PPFIA3: variants seen among roughly 807,000 people sequenced by gnomAD.
PPFIA3 encodes the protein liprin-alpha-3.
In PPFIA3, 26 loss-of-function variants were observed where a neutral mutation model predicts 145.8. The ratio of observed to expected loss-of-function variants is 0.18; its 90% CI spans 0.13 to 0.25. PPFIA3 has a LOEUF of 0.25. Among genes scored for constraint, PPFIA3 ranks in the 10% least tolerant of loss-of-function variants. The pLI is 1.00. For synonymous variants in PPFIA3, 645 were observed against 661.4 expected (o/e 0.98, Z 0.38); for missense variants, 1,008 against 1,587.8 (o/e 0.63, Z 6.21).
chr19:49,127,937 G>T lies in PPFIA3; in HGVS notation c.64G>T (p.Asp22Tyr). The T allele has an allele frequency of 6.3e-7, 1 of 1,594,122 alleles. No individual in the cohort carries two copies. The highest frequency in any genetic ancestry group is 8.5e-7 in the Non-Finnish European group (1 of 1,177,834). ...CCGGCGGGGCTCGGCGCTGGGCCCG[G>T]ACGAGGCGGGCGGGGAGCTGGAGCG... Reference protein sequence around the residue: ...DGRRGSALGPDEAGGELERLM... With the variant: ...DGRRGSALGPYEAGGELERLM... The change falls in exon 2 of 30, where the codon GAC (aspartate) becomes TAC (tyrosine). Residue 22 changes from aspartate (D) to tyrosine (Y), a missense_variant. Asp to Tyr is a radical substitution (Grantham distance 160). Coordinates refer to ENST00000334186, the MANE Select transcript of PPFIA3 (RefSeq NM_003660.4).
At chr19:49,124,923 C>CGGCTA (rs758439540) in intron 1 of PPFIA3, among the ~76,000 whole-genome samples, 91 of 152,210 alleles carry the variant, frequency 6.0e-4, no homozygotes, top group Non-Finnish European at 1.1e-3. Context: ...AATAATTAGC[C>CGGCTA]GGGCGTGGCG....
intron 23 of PPFIA3, among the ~76,000 whole-genome samples, chr19:49,146,848 T>G (rs2041286701): frequency 6.6e-6 from 1 of 152,094 alleles, no homozygotes; most frequent in South Asian, 2.1e-4. Context: ...GAGAATCGCT[T>G]GAACCCAGGA....
At chr19:49,129,314 A>T in intron 4 of PPFIA3, 66 bp from the exon 5 acceptor site, 3 of 1,506,458 alleles carry the variant, frequency 2.0e-6, no homozygotes, top group Non-Finnish European at 2.7e-6. Context: ...GGTGTTCTGG[A>T]CCAGGGGCAA....
At position 49,120,353 on chromosome 19, in the gene PPFIA3, C is replaced by T. The variant is rs2040922220; in HGVS notation, c.-16+631C>T. The stretch of plus-strand genomic sequence containing the variant: ...GGGCGCCCCAGCCTCTGGGTTCTGC[C>T]GGCCAGGCTCGTGGCCCCGTCCTCG... On this transcript the variant is annotated intron_variant, in intron 1 of 29. Coordinates refer to ENST00000334186, the MANE Select transcript of PPFIA3 (RefSeq NM_003660.4). This position sits in a 1 kb window ranked among gnomAD's most constrained non-coding sequence, Gnocchi z 4.6. Among the ~76,000 whole-genome samples the T allele has an allele frequency of 6.6e-6, 1 of 152,160 alleles. No homozygotes were observed. Among genetic ancestry groups the T allele is most frequent in the Admixed American group, 6.5e-5 (1 of 15,282 alleles).
intron 16 of PPFIA3, 67 bp downstream of exon 16, chr19:49,138,494 G>C: frequency 3.7e-6 from 5 of 1,339,306 alleles, no homozygotes; most frequent in Non-Finnish European, 5.0e-6. Context: ...GGGCTCCCCA[G>C]TGTACAGCAA....
rs1384035333 is a variant in PPFIA3 at position 49,120,098 on chromosome 19, C to A, written c.-16+376C>A. On this transcript the variant is annotated intron_variant, in intron 1 of 29. Transcript: ENST00000334186. The surrounding 1 kb of genome is among the most constrained non-coding windows in gnomAD (Gnocchi z 4.6). ...CGCATCGTCCCCGCTTCGCGCACTC[C>A]GTCTCCCGTCGCCAGCCTCGGGCTT... 6.6e-6 allele frequency among the ~76,000 whole-genome samples: 1 copy of A among 152,108 alleles called. No individual in the cohort carries two copies. Among genetic ancestry groups the A allele is most frequent in the Non-Finnish European group, 1.5e-5 (1 of 67,992 alleles).
rs1371239823 is a variant in PPFIA3, at chr19:49,127,949, G to A, written c.76G>A (p.Gly26Arg). 5.0e-6 allele frequency: 8 copies of A among 1,594,334 alleles called. No homozygotes were observed. The highest frequency in any genetic ancestry group is 6.8e-6 in the Non-Finnish European group (8 of 1,178,056). ...GSALGPDEAG[G>R]ELERLMVTML... ...GGCGCTGGGCCCGGACGAGGCGGGCGGGGAGCTGGAGCGCCTCATGGTCAC... is the reference window on the plus strand; with the variant it reads ...GGCGCTGGGCCCGGACGAGGCGGGCAGGGAGCTGGAGCGCCTCATGGTCAC... Residue 26 changes from glycine (G) to arginine (R), a missense_variant, in exon 2 of 30, where the codon GGG becomes AGG. By Grantham distance (125) the Gly-to-Arg change is moderately radical. Transcript: ENST00000334186.
intron 12 of PPFIA3, 24 bp downstream of exon 12, chr19:49,134,725 A>C: frequency 6.2e-7 from 1 of 1,613,166 alleles, no homozygotes; most frequent in Non-Finnish European, 8.5e-7. Context: ...AGGGGACAGG[A>C]GGAGGATGTT....
At chr19:49,136,110 G>A (rs1416585375) in intron 14 of PPFIA3, among the ~76,000 whole-genome samples, 187 bp downstream of exon 14, 1 of 152,208 alleles carries the variant, frequency 6.6e-6, no homozygotes, top group Admixed American at 6.5e-5. Context: ...TCCTGTGGAT[G>A]TCCTGCCACC....
intron 16 of PPFIA3, 112 bp from the exon 17 acceptor site, chr19:49,139,556 G>C: frequency 1.9e-6 from 2 of 1,027,388 alleles, no homozygotes; most frequent in South Asian, 2.2e-5. Context: ...TTCGTATACT[G>C]TGTTCTAAAC....
At position 49,133,668 on chromosome 19, in the gene PPFIA3, T is replaced by G. The variant is rs1400597900; in HGVS notation, c.1162-128T>G. 4 of 1,064,594 alleles carry G rather than the reference T, an allele frequency of 3.8e-6. No homozygotes were observed. The highest frequency in any genetic ancestry group is 5.7e-6 in the Non-Finnish European group (4 of 704,702). 65.9% of individuals were successfully genotyped at this position (1,064,594 alleles called of 1,614,324 possible). On this transcript the variant is annotated intron_variant, in intron 9 of 29. Coordinates refer to ENST00000334186, the MANE Select transcript of PPFIA3 (RefSeq NM_003660.4). This position sits in a 1 kb window ranked among gnomAD's most constrained non-coding sequence, Gnocchi z 7.2. ...ACTAGGCGCAGGGGCGGGGCCTGAC[T>G]CAAAGGTGCAGGGGAGGAGCCTGGC...
chr19:49,142,739 CA>C, intron 20 of PPFIA3, 64 bp from the exon 21 acceptor site: 1 of 1,458,620 alleles, frequency 6.9e-7, no homozygotes, highest in Non-Finnish European at 9.5e-7. Context: ...CCTGTTCCCC[CA>C]TCTCTCCGAT....
chr19:49,133,230 C>T lies in PPFIA3; in HGVS notation c.1027-7C>T. On this transcript the variant is annotated splice_region_variant and splice_polypyrimidine_tract_variant and intron_variant, in intron 8 of 29. Transcript: ENST00000334186. The surrounding 1 kb of genome is among the most constrained non-coding windows in gnomAD (Gnocchi z 7.2). The stretch of plus-strand genomic sequence containing the variant: ...CCGTCCCCTCCCCCTGCCTCTCCCT[C>T]CCCCAGAGTGAAGAGAAGAGCCGTC... 6.2e-7 allele frequency: 1 copy of T among 1,600,956 alleles called. No individual in the cohort carries two copies.
In PPFIA3 at chr19:49,128,986, G is replaced by C; in HGVS notation, c.481G>C (p.Glu161Gln). The C allele has an allele frequency of 6.2e-7, 1 of 1,609,390 alleles. No individual in the cohort carries two copies. Among genetic ancestry groups the C allele is most frequent in the East Asian group, 2.2e-5 (1 of 44,842 alleles). Reference protein sequence around the residue: ...EVLKALKSLFEHHKALDEKVR... With the variant: ...EVLKALKSLFQHHKALDEKVR... ...GCTCAAAGCTCTAAAGTCTCTCTTC[G>C]AGCACCACAAGGCCCTGGATGAGAA... The change falls in exon 4 of 30, where the codon GAG becomes CAG. Residue 161 changes from glutamate (E) to glutamine (Q), a missense_variant. Transcript: ENST00000334186. The surrounding 1 kb of genome is among the most constrained non-coding windows in gnomAD (Gnocchi z 4.1).
At chr19:49,146,546 A>G in intron 23 of PPFIA3, 1 of 327,998 alleles carries the variant, frequency 3.0e-6, no homozygotes, top group South Asian at 5.2e-5. Flanking sequence ...TCAGTGTACC[A>G]GGGCCAAGGA....
Position 49,151,014 on chromosome 19 carries a change from A to C in PPFIA3, c.*792A>C. 1.6e-5 allele frequency: 5 copies of C among 315,036 alleles called. No individual in the cohort carries two copies. The highest frequency in any genetic ancestry group is 2.4e-5 in the African/African-American group (1 of 41,940). The allele number at this position is 315,036 out of a possible 1,614,324, so 19.5% of individuals were successfully genotyped here. A position where few individuals can be genotyped will look rare whatever the true frequency, so the allele number is the denominator to read the frequency against. ...CACTCAGTGATCACGGGTAAAGAGA[A>C]CTGTTTCAAAAAGCTTCCTTGTTGA... On this transcript the variant is annotated 3_prime_UTR_variant, in exon 30 of 30. Coordinates refer to ENST00000334186, the MANE Select transcript of PPFIA3 (RefSeq NM_003660.4).
At chr19:49,132,433 G>GAGA (rs1321297588) in intron 7 of PPFIA3, among the ~76,000 whole-genome samples, 1 of 140,420 alleles carries the variant, frequency 7.1e-6, no homozygotes, top group Admixed American at 7.2e-5. Flanking sequence ...AAGAGAGAGA[G>GAGA]AGAACCTTCA....
Position 49,144,042 on chromosome 19 carries a change from G to T in PPFIA3, c.2745+1038G>T, listed in dbSNP as rs1373216015. Among the ~76,000 whole-genome samples the T allele has an allele frequency of 2.0e-5, 3 of 149,874 alleles. No homozygotes were observed. In the South Asian group the frequency reaches 6.4e-4, roughly 32 times the overall value. ...TTTTTCGAGATGGGAGTCTTGCTTT[G>T]TCGCCAAGGCTGGAGTGCAATGGTG... On this transcript the variant is annotated intron_variant, in intron 21 of 29. Transcript: ENST00000334186.
At position 49,128,176 on chromosome 19, in the gene PPFIA3, G is replaced by A. The variant is rs900963525; in HGVS notation, c.240+63G>A. ...GCCTCGGGGGGAAGAAGGCGGTCCG[G>A]AAGGGGCCGGGCTTGGCGCCTGGAA... On this transcript the variant is annotated intron_variant, in intron 2 of 29. Transcript: ENST00000334186. The surrounding 1 kb of genome is among the most constrained non-coding windows in gnomAD (Gnocchi z 4.1). 211 of 1,472,576 alleles carry A rather than the reference G, an allele frequency of 1.4e-4. No homozygotes were observed. Among genetic ancestry groups the A allele is most frequent in the Non-Finnish European group, 1.8e-4 (201 of 1,112,556 alleles). The allele number at this position is 1,472,576 out of a possible 1,614,324, so 91.2% of individuals were successfully genotyped here.
Sources: allele counts gnomAD v4.1 joint callset (sites outside exome capture counted in the v4.1 genomes callset), GRCh38; gene constraint gnomAD v4.1.1; non-coding constraint Gnocchi (gnomAD v3.1); transcripts MANE v1.5; gene names NCBI Gene and HGNC (gene_info 2026-07-23, HGNC 2026-07-21).